The following PRKCA variants were observed in gnomAD, a reference collection of about 807,000 sequenced individuals.
The protein encoded by PRKCA is protein kinase C alpha type.
Under a neutral mutation model 87.0 loss-of-function variants are expected in PRKCA, and 27 were observed. That is an observed-to-expected ratio of 0.31 (90% confidence interval 0.23 to 0.43). The LOEUF (loss-of-function observed/expected upper bound fraction) is 0.43. PRKCA is among the 20% of genes least tolerant of loss of function. PRKCA has a pLI of 1.00. For missense variants in PRKCA, 518 were observed against 852.3 expected (o/e 0.61, Z 4.88); for synonymous variants, 329 against 311.1 (o/e 1.06, Z -0.61).
intron 5 of PRKCA, among the ~76,000 whole-genome samples, chr17:66,660,580 G>A (rs1971866395): frequency 6.6e-6 from 1 of 152,044 alleles, no homozygotes; most frequent in African/African-American, 2.4e-5. Context: ...TACTATGTAG[G>A]GTCTTTGGGG....
chr17:66,787,575 C>T (rs950323477), intron 15 of PRKCA, among the ~76,000 whole-genome samples: 12 of 152,166 alleles, frequency 7.9e-5, no homozygotes, highest in Admixed American at 6.5e-4. Context: ...AGCATACATA[C>T]AGCAATTGGC....
chr17:66,785,949 C>G (rs1007635428), intron 14 of PRKCA, among the ~76,000 whole-genome samples: 1 of 152,230 alleles, frequency 6.6e-6, no homozygotes, highest in Admixed American at 6.5e-5. Context: ...CTGCCTCAGC[C>G]TCCCCAGTAG....
At chr17:66,706,679 G>GA (rs1973201883) in intron 8 of PRKCA, among the ~76,000 whole-genome samples, 1 of 151,434 alleles carries the variant, frequency 6.6e-6, no homozygotes, top group South Asian at 2.1e-4. Context: ...TTAAGTGGTT[G>GA]AAAAAAAGAA....
chr17:66,708,983 G>A (rs1973253258), intron 8 of PRKCA, among the ~76,000 whole-genome samples: 2 of 152,136 alleles, frequency 1.3e-5, no homozygotes, highest in Admixed American at 1.3e-4. Context: ...ATGATAAATT[G>A]GAATAGAAGA....
At chr17:66,669,473 G>T (rs1972120704) in intron 5 of PRKCA, among the ~76,000 whole-genome samples, 1 of 152,022 alleles carries the variant, frequency 6.6e-6, no homozygotes, top group Non-Finnish European at 1.5e-5. Flanking sequence ...TAATAGCTTT[G>T]TCCCAAAGAT....
chr17:66,714,447 G>C (rs1428481042), intron 8 of PRKCA, among the ~76,000 whole-genome samples: 1 of 152,178 alleles, frequency 6.6e-6, no homozygotes, highest in East Asian at 1.9e-4. Context: ...CTGGAGACCA[G>C]CTCCTCAGTC....
chr17:66,534,238 G>A (rs998311410), intron 3 of PRKCA, among the ~76,000 whole-genome samples: 40 of 152,124 alleles, frequency 2.6e-4, no homozygotes, highest in African/African-American at 9.7e-4. Flanking sequence ...ACTAGCAGGC[G>A]GAATTGGGGT....
At chr17:66,329,765 C>G (rs975988654) in intron 2 of PRKCA, among the ~76,000 whole-genome samples, 1 of 152,146 alleles carries the variant, frequency 6.6e-6, no homozygotes, top group African/African-American at 2.4e-5. Context: ...AAGGAAATAC[C>G]TCTGCAGCCA....
intron 9 of PRKCA, among the ~76,000 whole-genome samples, chr17:66,734,429 A>C (rs1189957800): frequency 6.6e-6 from 1 of 152,154 alleles, no homozygotes; most frequent in African/African-American, 2.4e-5. Context: ...AGACTATATA[A>C]GGTAACTTCT....
At chr17:66,319,088 G>A (rs1245177796) in intron 2 of PRKCA, among the ~76,000 whole-genome samples, 1 of 152,044 alleles carries the variant, frequency 6.6e-6, no homozygotes, top group Non-Finnish European at 1.5e-5. Context: ...AGATTGTGCA[G>A]CTGCACTTTA....
chr17:66,477,652 A>T (rs2144038106), intron 2 of PRKCA, among the ~76,000 whole-genome samples: 1 of 152,300 alleles, frequency 6.6e-6, no homozygotes, highest in Middle Eastern at 3.4e-3. Context: ...GTGAGCTGAG[A>T]TTGCACCACT....
rs902801614 is a variant in PRKCA at position 66,805,076 on chromosome 17, G to A, written c.*1039G>A. The A allele has an allele frequency of 2.0e-6, 2 of 982,450 alleles. No homozygotes were observed. Among genetic ancestry groups the A allele is most frequent in the East Asian group, 1.1e-4 (1 of 8,790 alleles). The allele number at this position is 982,450 out of a possible 1,614,324, so 60.9% of individuals were successfully genotyped here. ...AATGGAAGTGCTGACTCTAGCATCA[G>A]CCTCTACCGATTGATTTTCCTCCCT... On this transcript the variant is annotated 3_prime_UTR_variant, in exon 17 of 17. Coordinates refer to ENST00000413366, the MANE Select transcript of PRKCA (RefSeq NM_002737.3).
At chr17:66,456,722 C>T (rs778865412) in intron 2 of PRKCA, among the ~76,000 whole-genome samples, 12 of 152,264 alleles carry the variant, frequency 7.9e-5, no homozygotes, top group Admixed American at 3.3e-4. Context: ...CCAAAAAATC[C>T]GCTGCACCTA....
chr17:66,705,652 C>A (rs941644905), intron 8 of PRKCA, among the ~76,000 whole-genome samples: 1 of 152,086 alleles, frequency 6.6e-6, no homozygotes, highest in African/African-American at 2.4e-5. Flanking sequence ...ATGTTAGAGG[C>A]AGCTTTGCAA....
At chr17:66,373,626 A>G (rs901107131) in intron 2 of PRKCA, among the ~76,000 whole-genome samples, 5 of 152,198 alleles carry the variant, frequency 3.3e-5, no homozygotes, top group East Asian at 1.9e-4. Context: ...CCAACAAATA[A>G]TTCTAATGGC....
chr17:66,758,084 G>C (rs1158705213), intron 13 of PRKCA, among the ~76,000 whole-genome samples: 1 of 152,190 alleles, frequency 6.6e-6, no homozygotes, highest in Non-Finnish European at 1.5e-5. Context: ...ATCTCCATGG[G>C]GCAAGGAAGG....
intron 2 of PRKCA, among the ~76,000 whole-genome samples, chr17:66,470,837 A>G (rs2144013947): frequency 6.6e-6 from 1 of 152,320 alleles, no homozygotes; most frequent in East Asian, 1.9e-4. Flanking sequence ...TTGAAAAGTG[A>G]TCTTCAAATC....
intron 2 of PRKCA, among the ~76,000 whole-genome samples, chr17:66,321,815 A>C (rs900352778): frequency 6.6e-6 from 1 of 152,184 alleles, no homozygotes; most frequent in Non-Finnish European, 1.5e-5. Flanking sequence ...AAGTGCTGGG[A>C]TTACAGGGTG....
At chr17:66,559,622 AT>A (rs60050354) in intron 3 of PRKCA, among the ~76,000 whole-genome samples, 24 of 149,980 alleles carry the variant, frequency 1.6e-4, no homozygotes, top group Non-Finnish European at 2.7e-4. Flanking sequence ...AATAAGGCAA[AT>A]TTTTTTTTTA....
Sources: gnomAD v4.1 joint callset for allele counts (sites outside exome capture counted in the v4.1 genomes callset) on GRCh38, gnomAD v4.1.1 for gene constraint, MANE v1.5 for transcripts, NCBI Gene and HGNC (gene_info 2026-07-23, HGNC 2026-07-21) for gene names.